Variants in PDIA3 observed in about 807,000 individuals in gnomAD.
PDIA3 encodes protein disulfide isomerase family A member 3, also known as protein disulfide-isomerase A3.
Under a neutral mutation model 56.9 loss-of-function variants are expected in PDIA3, and 16 were observed. The observed-to-expected ratio is 0.28, with a 90% CI of 0.19 to 0.43. The LOEUF is 0.43. Among genes scored for constraint, PDIA3 ranks in the 20% least tolerant of loss-of-function variants. The pLI is 1.00. For missense variants in PDIA3, 485 were observed against 621.3 expected (o/e 0.78, Z 2.33); for synonymous variants, 192 against 216.5 (o/e 0.89, Z 0.99).
At chr15:43,766,986 C>A in intron 8 of PDIA3, 76 bp downstream of exon 8, 1 of 1,291,210 alleles carries the variant, frequency 7.7e-7, no homozygotes, top group Non-Finnish European at 1.1e-6. Context: ...TTCTAAAGAA[C>A]AATAACCCTG....
At chr15:43,751,674 A>T in intron 1 of PDIA3, 1 of 1,304,052 alleles carries the variant, frequency 7.7e-7, no homozygotes, top group Non-Finnish European at 1.0e-6. Context: ...ATATTGCCAA[A>T]GTTTAAGGCA....
chr15:43,752,427 A>G (rs1029584293), intron 1 of PDIA3, among the ~76,000 whole-genome samples: 3 of 152,262 alleles, frequency 2.0e-5, no homozygotes, highest in Admixed American at 1.3e-4. Context: ...CACTGAAACT[A>G]TAACATGACT....
chr15:43,754,043 C>G lies in PDIA3; in HGVS notation c.246+141C>G, dbSNP rs140725659. The G allele has an allele frequency of 1.2e-4, 76 of 641,370 alleles. 1 individual carries two copies. The South Asian group carries it at 1.2e-3, about 10-fold the overall frequency. The allele number at this position is 641,370 out of a possible 1,614,324, so 39.7% of individuals were successfully genotyped here. On this transcript the variant is annotated intron_variant, in intron 2 of 12. Transcript: ENST00000300289. Reference sequence around the variant, plus strand: ...ATTCATTTTCTCTACTCTTATTCTGCTAAGAAGAGCGAATACTAGTTTCTG... The same window carrying G: ...ATTCATTTTCTCTACTCTTATTCTGGTAAGAAGAGCGAATACTAGTTTCTG...
intron 12 of PDIA3, 118 bp downstream of exon 12, chr15:43,770,698 C>T (rs895101496): frequency 8.1e-5 from 60 of 744,548 alleles, no homozygotes; most frequent in African/African-American, 4.9e-4. Flanking sequence ...GACGGAGTTT[C>T]GCTCTTGTTG....
At chr15:43,762,732 G>A (rs2086824766) in intron 4 of PDIA3, among the ~76,000 whole-genome samples, 1 of 152,180 alleles carries the variant, frequency 6.6e-6, no homozygotes, top group Admixed American at 6.6e-5. Context: ...GTGGTTTACA[G>A]TTTATTTTGA....
intron 2 of PDIA3, among the ~76,000 whole-genome samples, chr15:43,756,146 G>A (rs187672473): frequency 5.9e-5 from 9 of 152,288 alleles, no homozygotes; most frequent in Non-Finnish European, 1.0e-4. Context: ...GATCGGTTAT[G>A]TTATGGTATA....
At chr15:43,770,168 T>C (rs2086872573) in intron 10 of PDIA3, 82 bp from the exon 11 acceptor site, 2 of 1,094,704 alleles carry the variant, frequency 1.8e-6, no homozygotes, top group African/African-American at 1.6e-5. Context: ...AAGAATGAGA[T>C]TGTTTTAAGT....
intron 1 of PDIA3, 45 bp downstream of exon 1, chr15:43,746,751 C>A: frequency 6.2e-7 from 1 of 1,603,446 alleles, no homozygotes; most frequent in Non-Finnish European, 8.5e-7. Context: ...CGGGGCTGGG[C>A]CGGGGGCGAG....
chr15:43,758,143 C>T (rs1333086470), intron 3 of PDIA3, among the ~76,000 whole-genome samples: 2 of 151,840 alleles, frequency 1.3e-5, no homozygotes, highest in Non-Finnish European at 2.9e-5. Flanking sequence ...GAGGCTGAGG[C>T]AGGAGAATCG....
intron 11 of PDIA3, 26 bp downstream of exon 11, chr15:43,770,355 G>C (rs759567686): frequency 6.3e-7 from 1 of 1,574,966 alleles, no homozygotes; most frequent in East Asian, 2.2e-5. Flanking sequence ...CTTAACAAAA[G>C]TGTCTAGGCA....
chr15:43,763,496 AC>A (rs2086830197), intron 5 of PDIA3, among the ~76,000 whole-genome samples: 1 of 152,024 alleles, frequency 6.6e-6, no homozygotes, highest in African/African-American at 2.4e-5. Context: ...CAAGTGTTCC[AC>A]CCACCTCGGC....
chr15:43,760,405 G>GT, intron 3 of PDIA3, among the ~76,000 whole-genome samples: 1 of 36,270 alleles, frequency 2.8e-5, no homozygotes, highest in South Asian at 1.4e-3. Flanking sequence ...AAAAAATAAA[G>GT]AAAAGAAAAA....
chr15:43,768,113 A>C (rs1046880215), intron 8 of PDIA3, among the ~76,000 whole-genome samples: 1 of 152,202 alleles, frequency 6.6e-6, no homozygotes, highest in Non-Finnish European at 1.5e-5. Flanking sequence ...AAGACCCCGG[A>C]AACAATTTTT....
chr15:43,762,981 A>C (rs2086826158), intron 4 of PDIA3, 96 bp from the exon 5 acceptor site: 1 of 1,232,670 alleles, frequency 8.1e-7, no homozygotes, highest in Non-Finnish European at 1.1e-6. Flanking sequence ...AAATAGAATG[A>C]AATGTTTATG....
intron 1 of PDIA3, among the ~76,000 whole-genome samples, chr15:43,749,664 A>G (rs960878301): frequency 1.3e-5 from 2 of 152,120 alleles, no homozygotes; most frequent in Non-Finnish European, 2.9e-5. Flanking sequence ...GTGGTGGCGC[A>G]CATCTGTAAT....
chr15:43,749,918 G>A (rs1263410522), intron 1 of PDIA3, among the ~76,000 whole-genome samples: 1 of 151,968 alleles, frequency 6.6e-6, no homozygotes, highest in African/African-American at 2.4e-5. Flanking sequence ...TTGCACTCCA[G>A]CCTAAATGAC....
At position 43,772,992 on chromosome 15, in the gene PDIA3, A is replaced by G. The variant is rs1355887495; in HGVS notation, c.*1774A>G. 1.5e-5 allele frequency: 14 copies of G among 910,550 alleles called. No homozygotes were observed. The highest frequency in any genetic ancestry group is 5.1e-5 in the South Asian group (3 of 58,376). 56.4% of individuals were successfully genotyped at this position (910,550 alleles called of 1,614,324 possible). A position where few individuals can be genotyped will look rare whatever the true frequency, so the allele number is the denominator to read the frequency against. Reference sequence around the variant, plus strand: ...CCTCAAGAACCTAGAGCAGCTCTCTACTTGCCACCATGGACTCCAGTGGTC... The same window carrying G: ...CCTCAAGAACCTAGAGCAGCTCTCTGCTTGCCACCATGGACTCCAGTGGTC... On this transcript the variant is annotated 3_prime_UTR_variant, in exon 13 of 13. Coordinates refer to ENST00000300289, the MANE Select transcript of PDIA3 (RefSeq NM_005313.5).
rs118175178 is a variant in PDIA3, at chr15:43,755,490, A to C, written c.247-1159A>C. Among the ~76,000 whole-genome samples, 798 of 152,346 alleles carry C rather than the reference A, an allele frequency of 5.2e-3. 8 individuals are homozygous for C. Among genetic ancestry groups the C allele is most frequent in the Non-Finnish European group, 6.3e-3 (432 of 68,036 alleles). ...TTTACAATTAAAGTAATGCTTCCAGAATGTTGCCATTCTGTAGTAAACCCA... is the reference window on the plus strand; with the variant it reads ...TTTACAATTAAAGTAATGCTTCCAGCATGTTGCCATTCTGTAGTAAACCCA... On this transcript the variant is annotated intron_variant, in intron 2 of 12. Transcript: ENST00000300289.
intron 8 of PDIA3, 111 bp downstream of exon 8, chr15:43,767,021 C>G: frequency 3.1e-6 from 3 of 966,318 alleles, no homozygotes; most frequent in Non-Finnish European, 4.8e-6. Flanking sequence ...GTCTTTTAAT[C>G]AAGACCTATG....
Sources: gnomAD v4.1 joint callset for allele counts (sites outside exome capture counted in the v4.1 genomes callset) on GRCh38, gnomAD v4.1.1 for gene constraint, MANE v1.5 for transcripts, NCBI Gene and HGNC (gene_info 2026-07-23, HGNC 2026-07-21) for gene names.